The following GRM7 variants were observed in gnomAD, a reference collection of about 807,000 sequenced individuals.
GRM7 encodes the protein glutamate metabotropic receptor 7.
In GRM7, 35 loss-of-function variants were observed where a neutral mutation model predicts 84.5. The observed-to-expected ratio is 0.41, with a 90% CI of 0.32 to 0.55. The LOEUF is 0.55. GRM7 is among the 20% of genes least tolerant of loss of function. The pLI is 0.19. For synonymous variants in GRM7, 487 were observed against 455.1 expected, an observed-to-expected ratio of 1.07 and a Z score of -0.89; for missense variants, 1,003 against 1,194.6, an observed-to-expected ratio of 0.84 and a Z score of 2.36.
intron 4 of GRM7, among the ~76,000 whole-genome samples, chr3:7,405,842 C>G (rs1695652043): frequency 6.6e-6 from 1 of 151,974 alleles, no homozygotes; most frequent in Non-Finnish European, 1.5e-5. Context: ...CTATTCATCA[C>G]ATCATCTAAT....
At chr3:7,131,613 G>A (rs1414968860) in intron 1 of GRM7, among the ~76,000 whole-genome samples, 1 of 151,914 alleles carries the variant, frequency 6.6e-6, no homozygotes, top group Non-Finnish European at 1.5e-5. Flanking sequence ...TGAGTAGCGG[G>A]GACTACAGGT....
chr3:7,178,897 A>G lies in GRM7; in HGVS notation c.736+32229A>G, dbSNP rs113922486. On this transcript the variant is annotated intron_variant, in intron 2 of 9. Transcript: ENST00000357716. ...GGAGTTTGAGACCAGTCTGGCCAAC[A>G]TGGTGAAACCCCATCTCTACTAAAA... 7.6e-4 allele frequency among the ~76,000 whole-genome samples: 115 copies of G among 151,986 alleles called. 1 individual carries two copies. The highest frequency in any genetic ancestry group is 2.5e-3 in the African/African-American group (102 of 41,438).
chr3:7,533,630 G>A (rs779752), intron 7 of GRM7, among the ~76,000 whole-genome samples: 60,073 of 151,924 alleles, frequency 0.4, 12,620 homozygotes, highest in Non-Finnish European at 0.46. Flanking sequence ...CAATCCAGAG[G>A]AAACCCCAAT....
chr3:7,412,378 C>G (rs781276784), intron 4 of GRM7, among the ~76,000 whole-genome samples: 1 of 152,222 alleles, frequency 6.6e-6, no homozygotes, highest in Middle Eastern at 3.2e-3. Context: ...GCAGAGCAGA[C>G]AGCTGTGTCC....
chr3:7,714,583 C>G (rs1701708919), intron 9 of GRM7, among the ~76,000 whole-genome samples: 1 of 152,154 alleles, frequency 6.6e-6, no homozygotes, highest in Non-Finnish European at 1.5e-5. Flanking sequence ...GCAAGATCCC[C>G]AGGTGATTCC....
intron 1 of GRM7, among the ~76,000 whole-genome samples, chr3:7,002,415 A>T (rs1394122475): frequency 6.6e-6 from 1 of 152,196 alleles, no homozygotes; most frequent in Non-Finnish European, 1.5e-5. Flanking sequence ...AGATTGAATC[A>T]TTTTCAAAAA....
intron 2 of GRM7, among the ~76,000 whole-genome samples, chr3:7,236,185 C>T (rs1293327158): frequency 1.3e-5 from 2 of 152,090 alleles, no homozygotes; most frequent in Admixed American, 6.6e-5. Flanking sequence ...CCAAAAACCC[C>T]ATCTATTAAT....
chr3:7,116,339 G>C (rs1300040079), intron 1 of GRM7, among the ~76,000 whole-genome samples: 1 of 152,066 alleles, frequency 6.6e-6, no homozygotes, highest in Non-Finnish European at 1.5e-5. Context: ...TTATTTCCAA[G>C]CACCATTGTA....
rs141560179 is a variant in GRM7, at chr3:7,562,609, C to T, written c.1516-15813C>T. On this transcript the variant is annotated intron_variant, in intron 7 of 9. Transcript: ENST00000357716. ...CTGAAAGTTGATGCTAGAATCCCAA[C>T]CAAAGTATTAGTTAAGCAACATCAC... Among the ~76,000 whole-genome samples the T allele has an allele frequency of 2.6e-4, 40 of 152,048 alleles. No homozygotes were observed. In the East Asian group the frequency reaches 7.2e-3, roughly 27 times the overall value.
chr3:7,680,708 T>C, intron 9 of GRM7: 1 of 183,100 alleles, frequency 5.5e-6, no homozygotes, highest in South Asian at 1.2e-4. Flanking sequence ...AGCGAAACTT[T>C]TTTCCTCTAG....
In GRM7 at chr3:7,415,159, C is replaced by T. The variant is rs1696108844; in HGVS notation, c.1170C>T (p.Cys390=). 3 of 1,612,150 alleles carry T rather than the reference C, an allele frequency of 1.9e-6. No homozygotes were observed. Among genetic ancestry groups the T allele is most frequent in the Non-Finnish European group, 2.5e-6 (3 of 1,178,520 alleles). ...GSKKEDTDRK[C]TGQERIGKDS... is the part of the protein sequence containing the mutation. ...AAAAAGAAGACACAGATCGCAAATG[C>T]ACAGGTAATTTAATTCTCGTTGTCC... is the stretch of plus-strand genomic sequence containing the variant. The change falls in exon 5 of 10, where the codon TGC becomes TGT. Residue 390 remains cysteine, a synonymous_variant. Coordinates refer to ENST00000357716, the MANE Select transcript of GRM7 (RefSeq NM_000844.4).
intron 1 of GRM7, among the ~76,000 whole-genome samples, chr3:7,047,881 G>A (rs10510343): frequency 0.014 from 2,130 of 152,026 alleles, 74 homozygotes; most frequent in Admixed American, 0.087. Context: ...GAAAATTACC[G>A]TGAGACCTCA....
intron 1 of GRM7, among the ~76,000 whole-genome samples, chr3:7,062,702 T>C (rs1452561605): frequency 1.3e-5 from 2 of 151,772 alleles, no homozygotes; most frequent in Non-Finnish European, 2.9e-5. Flanking sequence ...TCCACATCTG[T>C]ACTCTATTAA....
rs914098265 is a variant in GRM7 at position 7,486,025 on chromosome 3, G to A, written c.1515+24303G>A. ...ATATATAAACAAATACAGTAAATGT[G>A]TATTTATTTACATACCACATCTTAT... On this transcript the variant is annotated intron_variant, in intron 7 of 9. Transcript: ENST00000357716. The surrounding 1 kb of genome is among the most constrained non-coding windows in gnomAD (Gnocchi z 5.5). Among the ~76,000 whole-genome samples, 1 of 152,068 alleles carries A rather than the reference G, an allele frequency of 6.6e-6. No individual in the cohort carries two copies. The highest frequency in any genetic ancestry group is 1.5e-5 in the Non-Finnish European group (1 of 68,026).
At chr3:7,264,328 C>T (rs554201791) in intron 2 of GRM7, among the ~76,000 whole-genome samples, 6 of 152,060 alleles carry the variant, frequency 3.9e-5, no homozygotes, top group East Asian at 1.9e-4. Flanking sequence ...GACACTCCTG[C>T]GCCAAATCCT....
chr3:7,306,282 A>G (rs1305174972), intron 3 of GRM7, among the ~76,000 whole-genome samples: 1 of 152,128 alleles, frequency 6.6e-6, no homozygotes, highest in Non-Finnish European at 1.5e-5. Flanking sequence ...ATCTTTTAAC[A>G]ATTACTATTA....
At chr3:7,608,335 C>T (rs2125077033) in intron 8 of GRM7, among the ~76,000 whole-genome samples, 1 of 152,234 alleles carries the variant, frequency 6.6e-6, no homozygotes, top group East Asian at 1.9e-4. Context: ...ATTTACACTC[C>T]CACCAACAGT....
chr3:7,023,992 C>A (rs552804740), intron 1 of GRM7, among the ~76,000 whole-genome samples: 10 of 152,304 alleles, frequency 6.6e-5, no homozygotes, highest in South Asian at 4.1e-4. Flanking sequence ...TCTCTCCAGG[C>A]AGGCTCTGAA....
At chr3:7,654,720 A>AGCTAC (rs1335443103) in intron 8 of GRM7, among the ~76,000 whole-genome samples, 6 of 152,212 alleles carry the variant, frequency 3.9e-5, no homozygotes, top group Non-Finnish European at 8.8e-5. Context: ...CACTGAAATT[A>AGCTAC]GCTACTCTAT....
Sources: allele counts gnomAD v4.1 joint callset (sites outside exome capture counted in the v4.1 genomes callset), GRCh38; gene constraint gnomAD v4.1.1; non-coding constraint Gnocchi (gnomAD v3.1); transcripts MANE v1.5; gene names NCBI Gene and HGNC (gene_info 2026-07-23, HGNC 2026-07-21).